Variants in METTL15 observed in about 807,000 individuals in gnomAD.
The protein encoded by METTL15 is methyltransferase 15, mitochondrial 12S rRNA N4-cytidine.
METTL15 carries 34 observed loss-of-function variants against 38.3 expected under a neutral mutation model. The observed-to-expected ratio is 0.89, with a 90% confidence interval of 0.68 to 1.18. The LOEUF is 1.18. METTL15 is among the 50% of genes most tolerant of loss of function. METTL15 has a pLI of 0.00. For synonymous variants in METTL15, 162 were observed against 170.9 expected (o/e 0.95, Z 0.41); for missense variants, 438 against 498.4 (o/e 0.88, Z 1.15).
chr11:28,501,629 A>G (rs1851583373), intron 6 of METTL15, among the ~76,000 whole-genome samples: 1 of 152,178 alleles, frequency 6.6e-6, no homozygotes, highest in Non-Finnish European at 1.5e-5. Flanking sequence ...AGATTATGAC[A>G]GACAAAAAGA....
chr11:28,134,852 T>A (rs766953698), intron 3 of METTL15, among the ~76,000 whole-genome samples: 1 of 152,236 alleles, frequency 6.6e-6, no homozygotes, highest in East Asian at 1.9e-4. Flanking sequence ...ATAGTTACTA[T>A]ACCTGCTAAG....
intron 4 of METTL15, among the ~76,000 whole-genome samples, chr11:28,258,387 G>A (rs1372488661): frequency 1.3e-5 from 2 of 152,074 alleles, no homozygotes; most frequent in South Asian, 2.1e-4. Flanking sequence ...CCTGTCTACT[G>A]CCTATGTTCA....
intron 6 of METTL15, among the ~76,000 whole-genome samples, chr11:28,516,490 G>T (rs957303842): frequency 6.6e-6 from 1 of 152,114 alleles, no homozygotes; most frequent in Non-Finnish European, 1.5e-5. Flanking sequence ...TTGCCTATCA[G>T]GTCTTTGTAA....
intron 6 of METTL15, among the ~76,000 whole-genome samples, chr11:28,452,151 A>G (rs1851128556): frequency 6.6e-6 from 1 of 152,208 alleles, no homozygotes; most frequent in Non-Finnish European, 1.5e-5. Context: ...AGAGGAGAGA[A>G]AGCAAACATT....
Sources: gnomAD v4.1 joint callset for allele counts (sites outside exome capture counted in the v4.1 genomes callset) on GRCh38, gnomAD v4.1.1 for gene constraint, MANE v1.5 for transcripts, NCBI Gene and HGNC (gene_info 2026-07-23, HGNC 2026-07-21) for gene names.